The following BFSP1 variants were observed in gnomAD, a reference collection of about 807,000 sequenced individuals.
BFSP1 encodes beaded filament structural protein 1.
A neutral mutation model predicts 43.9 loss-of-function variants in BFSP1; 38 were observed. The ratio of observed to expected loss-of-function variants is 0.87; its 90% CI spans 0.67 to 1.14. The LOEUF is 1.14. Among genes scored for constraint, BFSP1 ranks in the 50% most tolerant of loss-of-function variants. The pLI is 0.00. For missense variants in BFSP1, 850 were observed against 875.1 expected, an observed-to-expected ratio of 0.97 and a Z score of 0.36; for synonymous variants, 352 against 354.8, an observed-to-expected ratio of 0.99 and a Z score of 0.09.
intron 5 of BFSP1, among the ~76,000 whole-genome samples, 192 bp downstream of exon 5, chr20:17,508,697 G>A (rs2034001097): frequency 6.6e-6 from 1 of 152,162 alleles, no homozygotes; most frequent in Admixed American, 6.5e-5. Flanking sequence ...CTCTCCCTGT[G>A]TCCTGGAAAA....
intron 1 of BFSP1, among the ~76,000 whole-genome samples, chr20:17,539,858 G>T (rs1028573474): frequency 6.6e-6 from 1 of 152,066 alleles, no homozygotes; most frequent in Non-Finnish European, 1.5e-5. Flanking sequence ...ATATCAGTAG[G>T]GACTGATTGA....
At chr20:17,511,449 G>C (rs896667069) in intron 4 of BFSP1, among the ~76,000 whole-genome samples, 1 of 152,148 alleles carries the variant, frequency 6.6e-6, no homozygotes, top group Non-Finnish European at 1.5e-5. Flanking sequence ...TTTTTAAATG[G>C]GCAAGAGGCT....
intron 1 of BFSP1, among the ~76,000 whole-genome samples, chr20:17,547,879 T>C (rs530262532): frequency 1.3e-5 from 2 of 149,838 alleles, no homozygotes; most frequent in African/African-American, 4.9e-5. Flanking sequence ...TACAGGCTTA[T>C]GCCACCATGC....
intron 1 of BFSP1, among the ~76,000 whole-genome samples, chr20:17,547,617 A>T (rs1207856516): frequency 1.8e-4 from 27 of 152,258 alleles, no homozygotes; most frequent in Admixed American, 1.8e-3. Context: ...TGTTTGTAAA[A>T]AGAAATTGGA....
intron 2 of BFSP1, among the ~76,000 whole-genome samples, chr20:17,517,745 A>C (rs1288675174): frequency 6.6e-6 from 1 of 152,252 alleles, no homozygotes. Context: ...TCTTGTTTTC[A>C]GATGAGGTCT....
At chr20:17,519,660 C>CTGGG (rs372494614) in intron 2 of BFSP1, among the ~76,000 whole-genome samples, 10 of 152,258 alleles carry the variant, frequency 6.6e-5, no homozygotes, top group African/African-American at 2.4e-4. Flanking sequence ...ACCACCAGCA[C>CTGGG]TGGGTCCCAT....
chr20:17,512,583 G>C (rs1260872092), intron 3 of BFSP1, among the ~76,000 whole-genome samples: 2 of 152,140 alleles, frequency 1.3e-5, no homozygotes, highest in Non-Finnish European at 2.9e-5. Flanking sequence ...TATGTGTTGT[G>C]GTGTGCACCT....
intron 5 of BFSP1, among the ~76,000 whole-genome samples, chr20:17,504,165 GC>G (rs2033874185): frequency 6.6e-6 from 1 of 152,092 alleles, no homozygotes; most frequent in Admixed American, 6.5e-5. Flanking sequence ...CGCCCCCACA[GC>G]CCCCATCCCC....
At chr20:17,496,873 G>C (rs974710757) in intron 7 of BFSP1, 65 bp downstream of exon 7, 2 of 1,344,388 alleles carry the variant, frequency 1.5e-6, no homozygotes, top group African/African-American at 1.5e-5. Flanking sequence ...TTAAAGTCAG[G>C]AAGAGAGCCG....
chr20:17,547,265 A>G (rs915521405), intron 1 of BFSP1, among the ~76,000 whole-genome samples: 6 of 152,108 alleles, frequency 3.9e-5, no homozygotes. Flanking sequence ...TTGTACCTCA[A>G]TTCCCCCAGA....
intron 1 of BFSP1, among the ~76,000 whole-genome samples, chr20:17,552,317 T>C (rs1575204): frequency 0.37 from 56,617 of 151,928 alleles, 12,838 homozygotes; most frequent in South Asian, 0.53. Context: ...ATGTGCCTGG[T>C]TTGTTCAAGG....
At chr20:17,528,193 C>G (rs2034461866) in intron 1 of BFSP1, among the ~76,000 whole-genome samples, 2 of 152,188 alleles carry the variant, frequency 1.3e-5, no homozygotes, top group African/African-American at 2.4e-5. Context: ...TCAGTTCCCA[C>G]TACCACAATC....
chr20:17,553,810 C>CATATATATATAT (rs1568717863), intron 1 of BFSP1, among the ~76,000 whole-genome samples: 1 of 111,900 alleles, frequency 8.9e-6, no homozygotes, highest in Non-Finnish European at 1.7e-5. Flanking sequence ...CACACACACA[C>CATATATATATAT]ACACACACAC....
intron 1 of BFSP1, among the ~76,000 whole-genome samples, chr20:17,527,111 C>T (rs143276167): frequency 1.2e-3 from 180 of 152,350 alleles, no homozygotes; most frequent in African/African-American, 3.6e-3. Flanking sequence ...GCAATGTGCA[C>T]GCATTCCCAG....
upstream of BFSP1, among the ~76,000 whole-genome samples, chr20:17,532,925 A>G (rs1464358648): frequency 6.6e-6 from 1 of 152,180 alleles, no homozygotes; most frequent in African/African-American, 2.4e-5. Flanking sequence ...AGAAAATTAC[A>G]CAGATCTTTG....
chr20:17,497,582 GTA>G (rs368795868), intron 6 of BFSP1, among the ~76,000 whole-genome samples: 83,674 of 124,306 alleles, frequency 0.67, 24,552 homozygotes, highest in East Asian at 0.77. Flanking sequence ...GTATATATAC[GTA>G]TATATATACG....
chr20:17,542,187 A>G (rs1453686109), intron 1 of BFSP1, among the ~76,000 whole-genome samples: 1 of 152,066 alleles, frequency 6.6e-6, no homozygotes, highest in Non-Finnish European at 1.5e-5. Context: ...ATTTTCAGGA[A>G]TTTTGCAAGC....
chr20:17,539,154 A>C (rs1246639382), intron 1 of BFSP1, among the ~76,000 whole-genome samples: 1 of 114,880 alleles, frequency 8.7e-6, no homozygotes, highest in East Asian at 2.8e-4. Context: ...TGCTCAGCCC[A>C]GGCTGAAGTG....
intron 2 of BFSP1, among the ~76,000 whole-genome samples, chr20:17,523,150 T>A (rs774112733): frequency 9.2e-5 from 14 of 152,236 alleles, no homozygotes; most frequent in Non-Finnish European, 2.1e-4. Flanking sequence ...GTTATCTATG[T>A]TGCCTTATTT....
Sources: gnomAD v4.1 joint callset for allele counts (sites outside exome capture counted in the v4.1 genomes callset) on GRCh38, gnomAD v4.1.1 for gene constraint, MANE v1.5 for transcripts, NCBI Gene and HGNC (gene_info 2026-07-23, HGNC 2026-07-21) for gene names.